The following GRXCR1 variants were observed in gnomAD, a reference collection of about 807,000 sequenced individuals.
GRXCR1 encodes glutaredoxin domain-containing cysteine-rich protein 1.
GRXCR1 carries 27 observed loss-of-function variants against 27.3 expected under a neutral mutation model. The ratio of observed to expected loss-of-function variants is 0.99; its 90% CI spans 0.73 to 1.37. The LOEUF is 1.37. GRXCR1 is among the 40% of genes most tolerant of loss of function. The pLI, the probability that GRXCR1 is intolerant of heterozygous loss-of-function variation, is 0.00. For synonymous variants in GRXCR1, 122 were observed against 131.1 expected (o/e 0.93, Z 0.47); for missense variants, 379 against 354.4 (o/e 1.07, Z -0.56).
intron 1 of GRXCR1, among the ~76,000 whole-genome samples, chr4:42,899,203 A>G (rs1042659002): frequency 1.3e-5 from 2 of 152,106 alleles, no homozygotes; most frequent in Non-Finnish European, 2.9e-5. Context: ...CCCATAACGG[A>G]CAGGACTAGA....
In GRXCR1 at chr4:42,893,072, C is replaced by A. The variant is rs1380550494; in HGVS notation, c.-195C>A. ...GGTTTTAGTTTAAAGGTAACCATAG[C>A]ACACACACACACATTTATTATTAAT... On this transcript the variant is annotated 5_prime_UTR_variant, in exon 1 of 4. Transcript: ENST00000399770. Among the ~76,000 whole-genome samples the A allele has an allele frequency of 6.6e-6, 1 of 151,962 alleles. No individual in the cohort carries two copies. The highest frequency in any genetic ancestry group is 2.1e-4 in the South Asian group (1 of 4,816).
chr4:42,992,894 G>A (rs1161865540), intron 2 of GRXCR1, among the ~76,000 whole-genome samples: 1 of 151,934 alleles, frequency 6.6e-6, no homozygotes, highest in Admixed American at 6.6e-5. Context: ...ACTTTTCATT[G>A]TTTACATTAC....
At chr4:42,990,715 AC>A (rs200042742) in intron 2 of GRXCR1, among the ~76,000 whole-genome samples, 3,230 of 152,152 alleles carry the variant, frequency 0.021, 56 homozygotes, top group South Asian at 0.052. Flanking sequence ...AGACACTATG[AC>A]CCATAATATG....
intron 1 of GRXCR1, among the ~76,000 whole-genome samples, chr4:42,944,285 C>A (rs1448541035): frequency 6.6e-6 from 1 of 151,862 alleles, no homozygotes; most frequent in Non-Finnish European, 1.5e-5. Flanking sequence ...GAGATTGTAT[C>A]AGGATTTTAA....
At chr4:42,987,641 A>G (rs1418527341) in intron 2 of GRXCR1, among the ~76,000 whole-genome samples, 1 of 152,142 alleles carries the variant, frequency 6.6e-6, no homozygotes, top group African/African-American at 2.4e-5. Context: ...TGTTCCTAGT[A>G]TGAAAGATTT....
At chr4:42,931,660 C>T (rs761348799) in intron 1 of GRXCR1, among the ~76,000 whole-genome samples, 26 of 151,612 alleles carry the variant, frequency 1.7e-4, no homozygotes, top group Non-Finnish European at 2.8e-4. Flanking sequence ...AATACGTATA[C>T]GTTGTGAAGT....
At chr4:42,969,448 C>G (rs1748330434) in intron 2 of GRXCR1, among the ~76,000 whole-genome samples, 1 of 152,056 alleles carries the variant, frequency 6.6e-6, no homozygotes. Flanking sequence ...GTAATGTAAG[C>G]TGCTGTTTCT....
intron 3 of GRXCR1, among the ~76,000 whole-genome samples, chr4:43,024,032 T>A (rs1165888274): frequency 6.6e-6 from 1 of 152,100 alleles, no homozygotes; most frequent in Non-Finnish European, 1.5e-5. Context: ...AGGGGAGTGC[T>A]GAGATATATT....
chr4:42,897,317 C>G (rs374126014), intron 1 of GRXCR1, among the ~76,000 whole-genome samples: 6 of 152,048 alleles, frequency 3.9e-5, no homozygotes, highest in African/African-American at 1.4e-4. Context: ...TTTTCTTGAC[C>G]TTATCCTCAA....
chr4:43,029,434 G>A (rs777495662), intron 3 of GRXCR1, among the ~76,000 whole-genome samples: 15 of 152,020 alleles, frequency 9.9e-5, no homozygotes, highest in East Asian at 1.9e-4. Context: ...TTTGCAAGTC[G>A]GAAGCTTAGT....
At chr4:42,950,934 T>C (rs1747869313) in intron 1 of GRXCR1, among the ~76,000 whole-genome samples, 1 of 152,154 alleles carries the variant, frequency 6.6e-6, no homozygotes, top group African/African-American at 2.4e-5. Flanking sequence ...TCTCTCTCTC[T>C]CTATGTATCC....
At chr4:42,932,621 G>T (rs4036080) in intron 1 of GRXCR1, among the ~76,000 whole-genome samples, 697 of 21,318 alleles carry the variant, frequency 0.033, 3 homozygotes, top group East Asian at 0.044. Context: ...TATATATATA[G>T]AGAGAGAGAG....
chr4:42,934,453 T>C (rs567126777), intron 1 of GRXCR1, among the ~76,000 whole-genome samples: 2 of 151,802 alleles, frequency 1.3e-5, no homozygotes, highest in East Asian at 2.0e-4. Flanking sequence ...CTTGAACACA[T>C]GGATTAGCAC....
intron 2 of GRXCR1, among the ~76,000 whole-genome samples, chr4:42,970,353 C>T (rs1748356762): frequency 6.6e-6 from 1 of 152,138 alleles, no homozygotes; most frequent in Admixed American, 6.5e-5. Flanking sequence ...CTCACATTTC[C>T]CCTCAGCACT....
intron 1 of GRXCR1, among the ~76,000 whole-genome samples, chr4:42,944,501 A>T (rs902186529): frequency 9.9e-5 from 15 of 152,078 alleles, no homozygotes; most frequent in African/African-American, 3.4e-4. Context: ...ATGCATTTTT[A>T]TAAAGGTATA....
Position 43,030,387 on chromosome 4 carries a change from C to G in GRXCR1, c.720C>G (p.Pro240=). The change falls in exon 4 of 4, where the codon CCC becomes CCG. Residue 240 remains proline (P), a synonymous_variant. Transcript: ENST00000399770. ...GAGTACAGCATCCACATGAGTGTCC[C>G]TCTTGTGGAGGCTTTGGCTTTCTTC... ...IERVQHPHEC[P]SCGGFGFLPC... 1.2e-6 allele frequency: 2 copies of G among 1,613,986 alleles called. No homozygotes were observed. The highest frequency in any genetic ancestry group is 2.7e-5 in the African/African-American group (2 of 75,012).
intron 2 of GRXCR1, among the ~76,000 whole-genome samples, chr4:42,978,621 G>A (rs1748577852): frequency 6.6e-6 from 1 of 151,926 alleles, no homozygotes; most frequent in Non-Finnish European, 1.5e-5. Flanking sequence ...ATACAGTAAT[G>A]TTACTAATTT....
chr4:42,909,977 G>A (rs1271756941), intron 1 of GRXCR1, among the ~76,000 whole-genome samples: 2 of 152,106 alleles, frequency 1.3e-5, no homozygotes, highest in Admixed American at 6.6e-5. Flanking sequence ...GATACTCCCC[G>A]AGACTGGGTA....
At chr4:43,003,415 G>C (rs973158903) in intron 2 of GRXCR1, among the ~76,000 whole-genome samples, 1 of 152,184 alleles carries the variant, frequency 6.6e-6, no homozygotes, top group Non-Finnish European at 1.5e-5. Flanking sequence ...AGCAACTTTG[G>C]AACTGGGTAC....
Sources: allele counts gnomAD v4.1 joint callset (sites outside exome capture counted in the v4.1 genomes callset), GRCh38; gene constraint gnomAD v4.1.1; transcripts MANE v1.5; gene names NCBI Gene and HGNC (gene_info 2026-07-23, HGNC 2026-07-21).